Variants in XRN1 observed in about 807,000 individuals in gnomAD.
The protein encoded by XRN1 is strand-exchange protein 1 homolog.
XRN1 carries 67 observed loss-of-function variants against 222.3 expected under a neutral mutation model. The ratio of observed to expected loss-of-function variants is 0.30; its 90% confidence interval spans 0.25 to 0.37. The LOEUF is 0.37. XRN1 is among the 10% of genes least tolerant of loss of function. The pLI, the probability that XRN1 is intolerant of heterozygous loss-of-function variation, is 1.00. For missense variants in XRN1, 1,707 were observed against 2,000.2 expected, an observed-to-expected ratio of 0.85 and a Z score of 2.80; for synonymous variants, 643 against 652.4, an observed-to-expected ratio of 0.99 and a Z score of 0.22.
intron 19 of XRN1, among the ~76,000 whole-genome samples, chr3:142,399,395 A>G (rs2068045095): frequency 6.6e-6 from 1 of 152,152 alleles, no homozygotes; most frequent in South Asian, 2.1e-4. Context: ...TTCATACACA[A>G]ATACATGAAA....
chr3:142,365,374 A>T lies in XRN1; in HGVS notation c.3205-8T>A. 1 of 1,549,770 alleles carries T rather than the reference A, an allele frequency of 6.5e-7. No homozygotes were observed. The highest frequency in any genetic ancestry group is 8.7e-7 in the Non-Finnish European group (1 of 1,146,406). On this transcript the variant is annotated splice_region_variant and splice_polypyrimidine_tract_variant and intron_variant, in intron 27 of 40. Coordinates refer to ENST00000392981, the MANE Select transcript of XRN1 (RefSeq NM_001282857.2). Reference sequence around the variant, plus strand: ...CTTATTATTCTTTCTTTGCTGAGGAAAAAGAAAAATTGTTAAATATTTTTA... The same window carrying T: ...CTTATTATTCTTTCTTTGCTGAGGATAAAGAAAAATTGTTAAATATTTTTA...
At chr3:142,324,653 TC>T (rs1385011890) in intron 37 of XRN1, among the ~76,000 whole-genome samples, 3 of 151,830 alleles carry the variant, frequency 2.0e-5, no homozygotes, top group African/African-American at 7.3e-5. Context: ...TAGTTCTAGA[TC>T]CCTGAGGAAA....
At chr3:142,340,265 G>T (rs1053846111) in intron 33 of XRN1, among the ~76,000 whole-genome samples, 1 of 152,094 alleles carries the variant, frequency 6.6e-6, no homozygotes, top group Admixed American at 6.6e-5. Context: ...TGAGGCAGGA[G>T]AATTGCTTGA....
At chr3:142,385,556 A>G (rs2067468786) in intron 20 of XRN1, among the ~76,000 whole-genome samples, 1 of 152,178 alleles carries the variant, frequency 6.6e-6, no homozygotes, top group Non-Finnish European at 1.5e-5. Flanking sequence ...CTTCCTGTCT[A>G]TGGCTGCTTT....
At chr3:142,429,403 C>T (rs2069419508) in intron 2 of XRN1, among the ~76,000 whole-genome samples, 1 of 152,018 alleles carries the variant, frequency 6.6e-6, no homozygotes, top group Non-Finnish European at 1.5e-5. Context: ...CCGCCTGGGC[C>T]TCCCAAAGTG....
chr3:142,412,688 T>C (rs760805422), intron 14 of XRN1, 25 bp from the exon 15 acceptor site: 4 of 1,469,456 alleles, frequency 2.7e-6, no homozygotes, highest in South Asian at 2.8e-5. Context: ...AATAGTATAA[T>C]AGAAATATAA....
rs9848799 is a variant in XRN1 at position 142,431,864 on chromosome 3, A to T, written c.308+797T>A. Among the ~76,000 whole-genome samples the T allele has an allele frequency of 9.0e-3, 245 of 27,374 alleles. 3 individuals are homozygous for T. Among genetic ancestry groups the T allele is most frequent in the African/African-American group, 0.06 (240 of 3,982 alleles). The allele number at this position is 27,374 out of a possible 152,430, so 18.0% of individuals were successfully genotyped here. ...ATTAAAAAATATATATATTATATAT[A>T]ATATATTATATTATATATATTATAT... is the stretch of plus-strand genomic sequence containing the variant. On this transcript the variant is annotated intron_variant, in intron 2 of 40. Transcript: ENST00000392981.
chr3:142,311,956 T>G (rs2065088139), intron 40 of XRN1, 143 bp from the exon 41 acceptor site: 4 of 873,822 alleles, frequency 4.6e-6, no homozygotes, highest in Non-Finnish European at 6.8e-6. Flanking sequence ...CAAGTAAGAC[T>G]TTAGTAATTC....
intron 37 of XRN1, among the ~76,000 whole-genome samples, chr3:142,326,938 A>G (rs578261646): frequency 6.6e-6 from 1 of 152,284 alleles, no homozygotes; most frequent in East Asian, 1.9e-4. Context: ...GCATATATTT[A>G]AACATCCTTG....
intron 1 of XRN1, among the ~76,000 whole-genome samples, chr3:142,436,735 CA>C (rs2069928463): frequency 6.6e-6 from 1 of 151,980 alleles, no homozygotes; most frequent in African/African-American, 2.4e-5. Flanking sequence ...GAATAATATG[CA>C]TAATATATAT....
At chr3:142,336,716 G>T (rs1233352522) in intron 33 of XRN1, among the ~76,000 whole-genome samples, 1 of 152,106 alleles carries the variant, frequency 6.6e-6, no homozygotes, top group Non-Finnish European at 1.5e-5. Context: ...AAGAAAATGT[G>T]AGCTGACAAG....
intron 18 of XRN1, 27 bp downstream of exon 18, chr3:142,403,647 T>G (rs1293054032): frequency 1.9e-6 from 3 of 1,593,604 alleles, no homozygotes; most frequent in Non-Finnish European, 2.6e-6. Context: ...AGGCATCTAA[T>G]AAATGAATGA....
At chr3:142,431,261 C>T (rs559952462) in intron 2 of XRN1, among the ~76,000 whole-genome samples, 27 of 152,258 alleles carry the variant, frequency 1.8e-4, no homozygotes, top group African/African-American at 5.8e-4. Flanking sequence ...AAGCAAGGAA[C>T]AGGGAATCAG....
At chr3:142,341,976 T>C (rs762055214) in intron 33 of XRN1, among the ~76,000 whole-genome samples, 4 of 152,050 alleles carry the variant, frequency 2.6e-5, no homozygotes, top group Non-Finnish European at 4.4e-5. Context: ...AATCCAAATA[T>C]AGTAATAGCT....
Position 142,311,660 on chromosome 3 carries a change from G to C in XRN1, c.4936C>G (p.Pro1646Ala). ...ESSSASLKSS[P>A]IAQPASSFQV... ...AAAGAAGATGCAGGTTGAGCAATCGGAGAGGACTTCAAAGAAGCTGATGAG... is the reference window on the plus strand; with the variant it reads ...AAAGAAGATGCAGGTTGAGCAATCGCAGAGGACTTCAAAGAAGCTGATGAG... The change falls in exon 41 of 41, where the codon CCG (proline) becomes GCG (alanine). Residue 1646 changes from proline (P) to alanine (A), a missense_variant. Around this residue, in one of 2 missense-constraint regions of XRN1, gnomAD observed 473 missense variants for 482.0 expected, o/e 0.98. Transcript: ENST00000392981. 1 of 1,614,140 alleles carries C rather than the reference G, an allele frequency of 6.2e-7. No individual in the cohort carries two copies. Among genetic ancestry groups the C allele is most frequent in the Non-Finnish European group, 8.5e-7 (1 of 1,180,012 alleles).
chr3:142,400,658 A>C, intron 18 of XRN1, 111 bp from the exon 19 acceptor site: 1 of 776,748 alleles, frequency 1.3e-6, no homozygotes, highest in Non-Finnish European at 2.1e-6. Flanking sequence ...AAAATAAACA[A>C]GTTGGGGCCG....
intron 12 of XRN1, 93 bp downstream of exon 12, chr3:142,418,411 T>C: frequency 3.0e-6 from 3 of 996,216 alleles, no homozygotes; most frequent in Non-Finnish European, 2.9e-6. Flanking sequence ...AAAAATCCTT[T>C]TTCTCCCACT....
chr3:142,393,075 G>A (rs1054116573), intron 20 of XRN1, among the ~76,000 whole-genome samples: 7 of 151,748 alleles, frequency 4.6e-5, no homozygotes, highest in Non-Finnish European at 1.0e-4. Flanking sequence ...CTGATGGCCA[G>A]TGATCATGAG....
chr3:142,310,167 CAAGT>C lies in XRN1; in HGVS notation c.*1340_*1343del. ...AGTTTAATACCAGCATTTTAAAAAA[CAAGT>C]AAGACTACTTTAAGAGTCATGGCAG... On this transcript the variant is annotated 3_prime_UTR_variant, in exon 41 of 41. Coordinates refer to ENST00000392981, the MANE Select transcript of XRN1 (RefSeq NM_001282857.2). 6.6e-6 allele frequency: 1 copy of C among 152,506 alleles called. No individual in the cohort carries two copies. The highest frequency in any genetic ancestry group is 1.9e-4 in the East Asian group (1 of 5,200). 9.4% of individuals were successfully genotyped at this position (152,506 alleles called of 1,614,324 possible). A position where few individuals can be genotyped will look rare whatever the true frequency, so the allele number is the denominator to read the frequency against.
Sources: gnomAD v4.1 joint callset for allele counts (sites outside exome capture counted in the v4.1 genomes callset) on GRCh38, gnomAD v4.1.1 for gene constraint, gnomAD v4.1.1 regional missense constraint, MANE v1.5 for transcripts, NCBI Gene and HGNC (gene_info 2026-07-23, HGNC 2026-07-21) for gene names.